The following DENND5B variants were observed in gnomAD, a reference collection of about 807,000 sequenced individuals.
The protein encoded by DENND5B is DENN domain-containing protein 5B.
In DENND5B, 34 loss-of-function variants were observed where a neutral mutation model predicts 140.6. The observed-to-expected ratio is 0.24, with a 90% CI of 0.18 to 0.32. DENND5B has a LOEUF of 0.32. Ranked by LOEUF, DENND5B falls within the 10% of genes least tolerant of loss-of-function variation. The probability of loss-of-function intolerance (pLI) is 1.00; values close to 1 mark genes in which losing one functional copy is unlikely to be tolerated. For missense variants in DENND5B, 1,142 were observed against 1,560.2 expected (o/e 0.73, Z 4.52); for synonymous variants, 551 against 562.1 (o/e 0.98, Z 0.28).
At chr12:31,525,154 T>C (rs1948041678) in intron 1 of DENND5B, among the ~76,000 whole-genome samples, 1 of 152,208 alleles carries the variant, frequency 6.6e-6, no homozygotes, top group Non-Finnish European at 1.5e-5. Context: ...AATAACTGCT[T>C]TGAAAAAGTC....
chr12:31,539,780 T>G (rs1477501972), intron 1 of DENND5B, among the ~76,000 whole-genome samples: 2 of 151,146 alleles, frequency 1.3e-5, no homozygotes. Context: ...ATCATACTGA[T>G]GAGGAAAAAA....
chr12:31,417,617 T>C (rs1479777531), intron 11 of DENND5B, among the ~76,000 whole-genome samples: 1 of 152,112 alleles, frequency 6.6e-6, no homozygotes, highest in Non-Finnish European at 1.5e-5. Flanking sequence ...AATTTTTGTA[T>C]TTTTTGTAGA....
intron 5 of DENND5B, among the ~76,000 whole-genome samples, chr12:31,448,656 A>C (rs970525105): frequency 1.3e-5 from 2 of 152,208 alleles, no homozygotes; most frequent in Admixed American, 6.5e-5. Context: ...TGTTAAGCCA[A>C]GGAAAAATTC....
intron 11 of DENND5B, among the ~76,000 whole-genome samples, chr12:31,419,846 G>A (rs898567317): frequency 2.0e-5 from 3 of 151,830 alleles, no homozygotes; most frequent in Non-Finnish European, 2.9e-5. Flanking sequence ...GGTGGCACAC[G>A]CCTGTAATCC....
In DENND5B at chr12:31,544,146, A is replaced by G. The variant is rs561182880; in HGVS notation, c.127+46560T>C. On this transcript the variant is annotated intron_variant, in intron 1 of 20. Transcript: ENST00000389082. ...ACCACTGCACTCCAGCCTGGGCAAC[A>G]GAGTGAGACTCCATCTCAAAATTAA... 3.9e-5 allele frequency among the ~76,000 whole-genome samples: 6 copies of G among 152,404 alleles called. No homozygotes were observed. The East Asian group carries it at 1.2e-3, about 29-fold the overall frequency.
intron 1 of DENND5B, among the ~76,000 whole-genome samples, chr12:31,560,355 T>C (rs534354317): frequency 6.6e-6 from 1 of 152,274 alleles, no homozygotes; most frequent in Admixed American, 6.5e-5. Context: ...TCATCCCCTT[T>C]CTCTCACACC....
rs761235843 is a variant in DENND5B, at chr12:31,409,366, A to G, written c.2700T>C (p.Tyr900=). The change falls in exon 14 of 21, where the codon TAT becomes TAC. Residue 900 remains tyrosine (Y), a synonymous_variant. Coordinates refer to ENST00000389082, the MANE Select transcript of DENND5B (RefSeq NM_144973.4). The part of the protein sequence containing the change: ...QPLTKKLYKR[Y]AFLRCEEERE... ...TTTCTTCTTCGCAACGTAGAAAAGCATATCGCTTATAAAGCTTCCTAGGAA... is the reference window on the plus strand; with the variant it reads ...TTTCTTCTTCGCAACGTAGAAAAGCGTATCGCTTATAAAGCTTCCTAGGAA... 38 of 1,556,400 alleles carry G rather than the reference A, an allele frequency of 2.4e-5. No individual in the cohort carries two copies. The highest frequency in any genetic ancestry group is 3.0e-5 in the Non-Finnish European group (35 of 1,149,388).
chr12:31,503,948 C>CTG (rs1273771398), intron 1 of DENND5B, among the ~76,000 whole-genome samples: 5 of 152,158 alleles, frequency 3.3e-5, no homozygotes, highest in Non-Finnish European at 5.9e-5. Context: ...GACATGAAAG[C>CTG]TATTCCAGGT....
At chr12:31,562,636 A>C (rs1438819880) in intron 1 of DENND5B, among the ~76,000 whole-genome samples, 5 of 152,086 alleles carry the variant, frequency 3.3e-5, no homozygotes, top group Non-Finnish European at 2.9e-5. Context: ...ATGAAATAAA[A>C]TAAAATAAAA....
intron 1 of DENND5B, among the ~76,000 whole-genome samples, chr12:31,521,725 C>T (rs931309972): frequency 1.3e-5 from 2 of 152,158 alleles, no homozygotes; most frequent in Non-Finnish European, 2.9e-5. Flanking sequence ...TTCCCCTAGC[C>T]ATTTAAGTAA....
chr12:31,523,120 G>A (rs920324438), intron 1 of DENND5B, among the ~76,000 whole-genome samples: 53 of 150,054 alleles, frequency 3.5e-4, no homozygotes, highest in African/African-American at 1.1e-3. Context: ...GTGCAGTGGC[G>A]TGATCTCGGC....
At position 31,523,050 on chromosome 12, in the gene DENND5B, T is replaced by C. The variant is rs543895408; in HGVS notation, c.128-27131A>G. 1.8e-3 allele frequency among the ~76,000 whole-genome samples: 262 copies of C among 147,968 alleles called. 3 individuals are homozygous for C. Among genetic ancestry groups the C allele is most frequent in the African/African-American group, 6.4e-3 (253 of 39,782 alleles). On this transcript the variant is annotated intron_variant, in intron 1 of 20. Transcript: ENST00000389082. ...GGAGGGAAGGTGAGATAAATGTGCC[T>C]TTTTTTTTCCTTTTTTTTTTTTTTT... is the stretch of plus-strand genomic sequence containing the variant.
At chr12:31,566,805 G>A (rs1949648647) in intron 1 of DENND5B, among the ~76,000 whole-genome samples, 1 of 152,166 alleles carries the variant, frequency 6.6e-6, no homozygotes. Flanking sequence ...ATAGCAGGCA[G>A]TTCAACATCA....
chr12:31,458,683 A>C (rs1944885906), intron 4 of DENND5B, among the ~76,000 whole-genome samples: 1 of 152,236 alleles, frequency 6.6e-6, no homozygotes, highest in Non-Finnish European at 1.5e-5. Flanking sequence ...TCATTACAGG[A>C]AATAATGGCT....
chr12:31,453,780 T>C (rs1944647116), intron 4 of DENND5B, among the ~76,000 whole-genome samples: 1 of 152,176 alleles, frequency 6.6e-6, no homozygotes, highest in African/African-American at 2.4e-5. Context: ...TCTCTTTTGA[T>C]CCTTGCTCTT....
At chr12:31,439,181 T>C (rs1424649328) in intron 7 of DENND5B, among the ~76,000 whole-genome samples, 2 of 152,246 alleles carry the variant, frequency 1.3e-5, no homozygotes, top group Non-Finnish European at 2.9e-5. Context: ...CTTATTTTGT[T>C]CTGTCTTGTA....
chr12:31,532,383 T>G (rs1487237982), intron 1 of DENND5B, among the ~76,000 whole-genome samples: 1 of 152,138 alleles, frequency 6.6e-6, no homozygotes, highest in African/African-American at 2.4e-5. Context: ...GGGCAGGGCT[T>G]GCTAACATAT....
chr12:31,500,491 T>G, intron 1 of DENND5B: 1 of 414,576 alleles, frequency 2.4e-6, no homozygotes, highest in Non-Finnish European at 4.7e-6. Flanking sequence ...ACCAGCCTGA[T>G]CAACATGGTG....
intron 7 of DENND5B, among the ~76,000 whole-genome samples, chr12:31,436,107 CCCA>C (rs1943742557): frequency 6.6e-6 from 1 of 151,008 alleles, no homozygotes; most frequent in African/African-American, 2.4e-5. Flanking sequence ...CTAAAGCCCC[CCCA>C]CTTTTTTTTT....
Sources: allele counts gnomAD v4.1 joint callset (sites outside exome capture counted in the v4.1 genomes callset), GRCh38; gene constraint gnomAD v4.1.1; transcripts MANE v1.5; gene names NCBI Gene and HGNC (gene_info 2026-07-23, HGNC 2026-07-21).